The following SDCCAG8 variants were observed in gnomAD, a reference collection of about 807,000 sequenced individuals.
SDCCAG8 encodes SHH signaling and ciliogenesis regulator SDCCAG8, also known as serologically defined colon cancer antigen 8.
In SDCCAG8, 74 loss-of-function variants were observed where a neutral mutation model predicts 101.8. The ratio of observed to expected loss-of-function variants is 0.73; its 90% CI spans 0.60 to 0.88. The LOEUF is 0.88. SDCCAG8 is among the 40% of genes least tolerant of loss of function. The probability of loss-of-function intolerance (pLI) is 0.00; values close to 1 mark genes in which losing one functional copy is unlikely to be tolerated. For missense variants in SDCCAG8, 787 were observed against 822.6 expected, an observed-to-expected ratio of 0.96 and a Z score of 0.53; for synonymous variants, 281 against 292.9, an observed-to-expected ratio of 0.96 and a Z score of 0.41.
intron 16 of SDCCAG8, among the ~76,000 whole-genome samples, chr1:243,471,402 G>A (rs1339909136): frequency 6.6e-6 from 1 of 152,140 alleles, no homozygotes; most frequent in African/African-American, 2.4e-5. Flanking sequence ...GACTTGACTC[G>A]GAACTTTTCA....
chr1:243,326,497 G>A (rs2074159571), intron 9 of SDCCAG8, among the ~76,000 whole-genome samples: 1 of 152,138 alleles, frequency 6.6e-6, no homozygotes, highest in Admixed American at 6.5e-5. Flanking sequence ...TTCTTGATTT[G>A]CACATTATCT....
intron 16 of SDCCAG8, among the ~76,000 whole-genome samples, chr1:243,439,375 G>C (rs6693429): frequency 1.5e-4 from 23 of 152,188 alleles, no homozygotes; most frequent in African/African-American, 5.5e-4. Context: ...TGTAATCTCA[G>C]CACTTTGGGA....
chr1:243,411,584 G>A (rs567741536), intron 13 of SDCCAG8, among the ~76,000 whole-genome samples: 21 of 152,144 alleles, frequency 1.4e-4, no homozygotes, highest in Non-Finnish European at 2.8e-4. Context: ...GTGCCCTTTT[G>A]CTCCCTGGTA....
intron 16 of SDCCAG8, among the ~76,000 whole-genome samples, chr1:243,482,996 G>T (rs1664052409): frequency 2.0e-5 from 3 of 152,186 alleles, no homozygotes; most frequent in Admixed American, 1.3e-4. Flanking sequence ...CGGGCCCCAT[G>T]ATGGCAAACC....
At chr1:243,435,763 A>T (rs917052015) in intron 16 of SDCCAG8, among the ~76,000 whole-genome samples, 9 of 147,682 alleles carry the variant, frequency 6.1e-5, no homozygotes, top group African/African-American at 2.0e-4. Flanking sequence ...TGTGTCCTCT[A>T]TTCGATGGTG....
chr1:243,395,092 T>C (rs58417768), intron 13 of SDCCAG8, among the ~76,000 whole-genome samples: 22,988 of 152,178 alleles, frequency 0.15, 2,237 homozygotes, highest in African/African-American at 0.27. Context: ...TACGTGTCTG[T>C]GTGTGACTGG....
chr1:243,380,210 A>G (rs2077854392), intron 13 of SDCCAG8, among the ~76,000 whole-genome samples: 1 of 152,230 alleles, frequency 6.6e-6, no homozygotes, highest in Non-Finnish European at 1.5e-5. Context: ...CAGAATAATA[A>G]CTGTTCTTTT....
intron 16 of SDCCAG8, among the ~76,000 whole-genome samples, chr1:243,432,618 A>G (rs915029826): frequency 6.6e-6 from 1 of 152,230 alleles, no homozygotes; most frequent in East Asian, 1.9e-4. Flanking sequence ...ACATTTCAAA[A>G]CAAATCATGA....
At chr1:243,393,787 C>T (rs918362538) in intron 13 of SDCCAG8, among the ~76,000 whole-genome samples, 1 of 152,148 alleles carries the variant, frequency 6.6e-6, no homozygotes, top group Non-Finnish European at 1.5e-5. Context: ...CTTTCTACCA[C>T]ATATGTCTTT....
chr1:243,444,913 A>G (rs2148108789), intron 16 of SDCCAG8, among the ~76,000 whole-genome samples: 1 of 152,348 alleles, frequency 6.6e-6, no homozygotes. Context: ...CATTTAAGAT[A>G]TAACATCTTT....
chr1:243,489,249 G>A (rs1476546725), intron 17 of SDCCAG8, 109 bp downstream of exon 17: 1 of 1,429,318 alleles, frequency 7.0e-7, no homozygotes, highest in Non-Finnish European at 9.5e-7. Flanking sequence ...TCGGTTAGCA[G>A]TAAGCTGGGA....
At position 243,326,321 on chromosome 1, in the gene SDCCAG8, T is replaced by C. The variant is rs969371677; in HGVS notation, c.1069-4219T>C. On this transcript the variant is annotated intron_variant, in intron 9 of 17. Coordinates refer to ENST00000366541, the MANE Select transcript of SDCCAG8 (RefSeq NM_006642.5). ...GTTTTTAAAACAGCAGCCTGGTAGG[T>C]TGAACAAATATTTACAAAGACTTTT... Among the ~76,000 whole-genome samples the C allele has an allele frequency of 5.3e-5, 8 of 152,204 alleles. No homozygotes were observed. In the East Asian group the frequency reaches 1.5e-3, roughly 29 times the overall value.
intron 2 of SDCCAG8, among the ~76,000 whole-genome samples, chr1:243,270,630 C>T (rs562937762): frequency 4.6e-5 from 7 of 152,194 alleles, no homozygotes; most frequent in African/African-American, 1.4e-4. Flanking sequence ...TTTTTCTTAT[C>T]CTTTTCTGCT....
intron 10 of SDCCAG8, among the ~76,000 whole-genome samples, chr1:243,340,321 CAGTG>C (rs972141854): frequency 1.4e-4 from 21 of 152,140 alleles, no homozygotes. Flanking sequence ...GTGTGGGAAA[CAGTG>C]AGAGTGGACA....
Position 243,259,300 on chromosome 1 carries a change from A to G in SDCCAG8, c.67+3060A>G, listed in dbSNP as rs538386360. 5.3e-4 allele frequency among the ~76,000 whole-genome samples: 80 copies of G among 151,074 alleles called. No individual in the cohort carries two copies. The Middle Eastern group carries it at 0.01, about 20-fold the overall frequency. The stretch of plus-strand genomic sequence containing the variant: ...CGGGCGCCTGTAGTCCCAGCTACTC[A>G]GGAGGCTGAGGCAGGAGAATGGCAT... On this transcript the variant is annotated intron_variant, in intron 1 of 17. Transcript: ENST00000366541.
intron 16 of SDCCAG8, among the ~76,000 whole-genome samples, chr1:243,445,873 C>T (rs966732786): frequency 1.3e-5 from 2 of 152,168 alleles, no homozygotes; most frequent in African/African-American, 4.8e-5. Context: ...CACTCCACTG[C>T]GTTTTCATAG....
At chr1:243,394,555 A>G (rs947735525) in intron 13 of SDCCAG8, among the ~76,000 whole-genome samples, 3 of 152,146 alleles carry the variant, frequency 2.0e-5, no homozygotes, top group South Asian at 4.1e-4. Flanking sequence ...CTTCATAAAT[A>G]TATAGGCAGA....
rs181022712 is a variant in SDCCAG8, at chr1:243,293,000, A to G, written c.547-91A>G. The G allele has an allele frequency of 9.7e-5, 142 of 1,466,974 alleles. 4 individuals carry two copies. The Admixed American group carries it at 2.4e-3, about 24-fold the overall frequency. The allele number at this position is 1,466,974 out of a possible 1,614,324, so 90.9% of individuals were successfully genotyped here. A position where few individuals can be genotyped will look rare whatever the true frequency, so the allele number is the denominator to read the frequency against. ...GTAGAAGCATATGCTTTTTCTTTTC[A>G]TCATAGGTAAGAATAGGTATTTTAT... On this transcript the variant is annotated intron_variant, in intron 5 of 17. Coordinates refer to ENST00000366541, the MANE Select transcript of SDCCAG8 (RefSeq NM_006642.5).
chr1:243,397,550 T>C (rs1458231632), intron 13 of SDCCAG8, among the ~76,000 whole-genome samples: 1 of 152,232 alleles, frequency 6.6e-6, no homozygotes, highest in Non-Finnish European at 1.5e-5. Flanking sequence ...AGCAAATGCA[T>C]GCACTGTTGG....
Sources: allele counts gnomAD v4.1 joint callset (sites outside exome capture counted in the v4.1 genomes callset), GRCh38; gene constraint gnomAD v4.1.1; transcripts MANE v1.5; gene names NCBI Gene and HGNC (gene_info 2026-07-23, HGNC 2026-07-21).